EMCN: variants seen among roughly 807,000 people sequenced by gnomAD.
EMCN encodes MUC-14.
Under a neutral mutation model 38.4 loss-of-function variants are expected in EMCN, and 37 were observed. The ratio of observed to expected loss-of-function variants is 0.96; its 90% CI spans 0.74 to 1.27. The LOEUF (loss-of-function observed/expected upper bound fraction) is 1.27. EMCN is among the 50% of genes most tolerant of loss of function. The pLI, the probability that EMCN is intolerant of heterozygous loss-of-function variation, is 0.00. For missense variants in EMCN, 318 were observed against 302.8 expected, an observed-to-expected ratio of 1.05 and a Z score of -0.37; for synonymous variants, 95 against 100.8, an observed-to-expected ratio of 0.94 and a Z score of 0.35.
intron 4 of EMCN, among the ~76,000 whole-genome samples, chr4:100,462,903 G>A (rs1728220316): frequency 6.6e-6 from 1 of 152,092 alleles, no homozygotes; most frequent in African/African-American, 2.4e-5. Flanking sequence ...GAAGTTTCTA[G>A]ACAAGAGTAG....
intron 4 of EMCN, among the ~76,000 whole-genome samples, chr4:100,452,504 A>G (rs1578203274): frequency 6.6e-6 from 1 of 152,124 alleles, no homozygotes; most frequent in East Asian, 1.9e-4. Flanking sequence ...CCAATTTATC[A>G]TCTATCTATA....
chr4:100,459,293 T>G (rs1728109371), intron 4 of EMCN, among the ~76,000 whole-genome samples: 1 of 53,804 alleles, frequency 1.9e-5, no homozygotes, highest in Non-Finnish European at 3.9e-5. Context: ...ATATTTTGTG[T>G]GTGTGTACAC....
intron 1 of EMCN, among the ~76,000 whole-genome samples, chr4:100,486,162 G>A (rs966184117): frequency 2.6e-5 from 4 of 152,128 alleles, no homozygotes; most frequent in African/African-American, 9.7e-5. Flanking sequence ...AATATTAAGT[G>A]AAATCAAAGT....
chr4:100,472,170 C>G (rs1487010425), intron 3 of EMCN, among the ~76,000 whole-genome samples: 2 of 151,848 alleles, frequency 1.3e-5, no homozygotes, highest in Non-Finnish European at 2.9e-5. Context: ...TCTATATTTG[C>G]AGATAACATA....
intron 4 of EMCN, among the ~76,000 whole-genome samples, chr4:100,455,055 T>C (rs1260542327): frequency 1.3e-5 from 2 of 152,132 alleles, no homozygotes; most frequent in Admixed American, 1.3e-4. Context: ...TAAATTATTA[T>C]AATTGATTTT....
chr4:100,399,053 G>A (rs1364210680), intron 11 of EMCN, among the ~76,000 whole-genome samples: 1 of 152,166 alleles, frequency 6.6e-6, no homozygotes, highest in Non-Finnish European at 1.5e-5. Flanking sequence ...AAGCTTTGCT[G>A]CTTTCTACTC....
intron 11 of EMCN, among the ~76,000 whole-genome samples, chr4:100,409,155 T>C (rs2110208673): frequency 6.6e-6 from 1 of 152,310 alleles, no homozygotes; most frequent in East Asian, 1.9e-4. Flanking sequence ...ACAATATTTC[T>C]CATCGTGGAC....
chr4:100,453,072 A>T (rs922678133), intron 4 of EMCN, among the ~76,000 whole-genome samples: 2 of 152,176 alleles, frequency 1.3e-5, no homozygotes, highest in Non-Finnish European at 2.9e-5. Flanking sequence ...AACCATAAAA[A>T]CCCTAGAAGA....
At chr4:100,467,686 A>C (rs1456788628) in intron 3 of EMCN, among the ~76,000 whole-genome samples, 2 of 151,358 alleles carry the variant, frequency 1.3e-5, no homozygotes, top group African/African-American at 4.8e-5. Flanking sequence ...CGTCTCAAAA[A>C]AAAAAAAAAA....
Position 100,504,644 on chromosome 4 carries a change from G to A in EMCN, c.64+13207C>T, listed in dbSNP as rs576866657. On this transcript the variant is annotated intron_variant, in intron 1 of 11. Coordinates refer to ENST00000296420, the MANE Select transcript of EMCN (RefSeq NM_016242.4). ...AGAGTGTGAGCCTTCTGTTATGCCC[G>A]GACAGGGCCACCGGAGGGCTCCTTG... 1.4e-3 allele frequency among the ~76,000 whole-genome samples: 212 copies of A among 152,294 alleles called. 1 individual carries two copies. The highest frequency in any genetic ancestry group is 4.7e-3 in the African/African-American group (195 of 41,574).
chr4:100,459,799 A>G (rs1214177784), intron 4 of EMCN, among the ~76,000 whole-genome samples: 3 of 152,184 alleles, frequency 2.0e-5, no homozygotes, highest in Non-Finnish European at 4.4e-5. Context: ...TTGTGTATAT[A>G]TACCACATTT....
chr4:100,442,231 G>T (rs2110237842), intron 5 of EMCN, among the ~76,000 whole-genome samples: 1 of 152,254 alleles, frequency 6.6e-6, no homozygotes, highest in Non-Finnish European at 1.5e-5. Flanking sequence ...CTCTTGATCT[G>T]CAAGGTTTCT....
chr4:100,516,187 T>G (rs942856095), intron 1 of EMCN, among the ~76,000 whole-genome samples: 1 of 152,092 alleles, frequency 6.6e-6, no homozygotes, highest in African/African-American at 2.4e-5. Context: ...AAAAGGAGGT[T>G]TGTATTTTCC....
chr4:100,420,228 A>G (rs2163881), intron 8 of EMCN, among the ~76,000 whole-genome samples: 14,353 of 152,138 alleles, frequency 0.094, 813 homozygotes, highest in South Asian at 0.14. Context: ...AGGTAGGCAC[A>G]TGGAGAAATA....
intron 4 of EMCN, among the ~76,000 whole-genome samples, chr4:100,450,609 G>A (rs950206352): frequency 2.6e-5 from 4 of 151,804 alleles, no homozygotes; most frequent in Admixed American, 1.3e-4. Context: ...TTCTCCATAT[G>A]GCATTGACTG....
intron 1 of EMCN, among the ~76,000 whole-genome samples, chr4:100,498,776 A>AT (rs1252431022): frequency 6.6e-6 from 1 of 152,214 alleles, no homozygotes; most frequent in Non-Finnish European, 1.5e-5. Context: ...ACATTTAAAC[A>AT]TTTAATGAAT....
intron 5 of EMCN, among the ~76,000 whole-genome samples, chr4:100,424,127 A>C (rs565853335): frequency 2.6e-5 from 4 of 152,298 alleles, no homozygotes; most frequent in African/African-American, 7.2e-5. Flanking sequence ...AAAATCTACT[A>C]TTCAAAATCC....
At chr4:100,402,854 T>A (rs1325799321) in intron 11 of EMCN, among the ~76,000 whole-genome samples, 1 of 152,118 alleles carries the variant, frequency 6.6e-6, no homozygotes, top group Non-Finnish European at 1.5e-5. Flanking sequence ...AAGACTTGCT[T>A]TTTCCAAGTT....
intron 4 of EMCN, among the ~76,000 whole-genome samples, chr4:100,465,179 T>C (rs968348026): frequency 2.0e-5 from 3 of 152,138 alleles, no homozygotes; most frequent in African/African-American, 7.2e-5. Flanking sequence ...TAGTGCCAGG[T>C]AATATCATAG....
Sources: gnomAD v4.1 joint callset for allele counts (sites outside exome capture counted in the v4.1 genomes callset) on GRCh38, gnomAD v4.1.1 for gene constraint, MANE v1.5 for transcripts, NCBI Gene and HGNC (gene_info 2026-07-23, HGNC 2026-07-21) for gene names.